PRR16: variants seen among roughly 807,000 people sequenced by gnomAD.
PRR16 encodes the protein protein Largen.
In PRR16, 6 loss-of-function variants were observed where a neutral mutation model predicts 18.2. The ratio of observed to expected loss-of-function variants is 0.33; its 90% confidence interval spans 0.18 to 0.65. The LOEUF is 0.65. PRR16 is among the 30% of genes least tolerant of loss of function. PRR16 has a pLI of 0.74. For missense variants in PRR16, 412 were observed against 376.6 expected (o/e 1.09, Z -0.78); for synonymous variants, 151 against 147.8 (o/e 1.02, Z -0.16).
the PRR16 span, among the ~76,000 whole-genome samples, chr5:120,757,800 T>G: frequency 6.6e-6 from 1 of 150,818 alleles, no homozygotes; most frequent in African/African-American, 2.4e-5. Flanking sequence ...TTTGAGAAAT[T>G]GTAGTGACTG....
the PRR16 span, among the ~76,000 whole-genome samples, chr5:120,699,048 A>C: frequency 6.6e-6 from 1 of 152,128 alleles, no homozygotes; most frequent in Non-Finnish European, 1.5e-5. Context: ...GTGTCTATTC[A>C]GACTAAGAGG....
At chr5:120,532,982 A>G (rs1751599289) in intron 1 of PRR16, among the ~76,000 whole-genome samples, 1 of 152,172 alleles carries the variant, frequency 6.6e-6, no homozygotes, top group Admixed American at 6.5e-5. Flanking sequence ...TCAGAGCAGT[A>G]GTTTCCCCGA....
chr5:120,495,301 T>C (rs189533957), intron 1 of PRR16, among the ~76,000 whole-genome samples: 3 of 152,258 alleles, frequency 2.0e-5, no homozygotes, highest in African/African-American at 7.2e-5. Flanking sequence ...GATTTCTACC[T>C]ATTTTTTTGA....
chr5:120,600,709 G>A (rs981913857), intron 1 of PRR16, among the ~76,000 whole-genome samples: 9 of 151,564 alleles, frequency 5.9e-5, no homozygotes, highest in African/African-American at 1.9e-4. Flanking sequence ...GTAGTTTTCC[G>A]GCCCACATCC....
At chr5:120,545,990 C>T (rs1299344391) in intron 1 of PRR16, among the ~76,000 whole-genome samples, 3 of 152,036 alleles carry the variant, frequency 2.0e-5, no homozygotes, top group Admixed American at 6.6e-5. Context: ...TTAAGGTCGA[C>T]ATGGACCAGC....
chr5:120,629,903 G>A (rs1456665409), intron 1 of PRR16, among the ~76,000 whole-genome samples: 1 of 151,966 alleles, frequency 6.6e-6, no homozygotes, highest in Non-Finnish European at 1.5e-5. Flanking sequence ...TCTAAAATCA[G>A]CTATCAGCAC....
chr5:120,658,210 A>C (rs1427342745), intron 1 of PRR16: 1 of 151,958 alleles, frequency 6.6e-6, no homozygotes, highest in Non-Finnish European at 1.5e-5. Flanking sequence ...GGCATCCCTC[A>C]CATTGTACTG....
chr5:120,782,555 C>CTCTA, the PRR16 span, among the ~76,000 whole-genome samples: 2 of 152,058 alleles, frequency 1.3e-5, no homozygotes, highest in Admixed American at 6.5e-5. Flanking sequence ...TGCTGCTTCC[C>CTCTA]TCTATCTCAG....
intron 1 of PRR16, among the ~76,000 whole-genome samples, chr5:120,520,492 G>T (rs776743286): frequency 6.6e-6 from 1 of 152,208 alleles, no homozygotes; most frequent in African/African-American, 2.4e-5. Flanking sequence ...ACAAAGGCAC[G>T]TTTAGGTAGA....
chr5:120,674,909 TTTATA>T (rs1174421005), intron 1 of PRR16, among the ~76,000 whole-genome samples: 2 of 151,966 alleles, frequency 1.3e-5, no homozygotes, highest in Admixed American at 6.5e-5. Context: ...TAACATTTGT[TTTATA>T]TTCCAATTTT....
At chr5:120,595,133 G>A (rs1753759062) in intron 1 of PRR16, among the ~76,000 whole-genome samples, 1 of 152,008 alleles carries the variant, frequency 6.6e-6, no homozygotes, top group South Asian at 2.1e-4. Flanking sequence ...TTAAACCAAA[G>A]AGCTTGTTCA....
chr5:120,792,209 ACT>A, the PRR16 span, among the ~76,000 whole-genome samples: 313 of 152,272 alleles, frequency 2.1e-3, 3 homozygotes, highest in African/African-American at 7.0e-3. Flanking sequence ...TACCAGCTGT[ACT>A]CTCTCACGAA....
intron 1 of PRR16, among the ~76,000 whole-genome samples, chr5:120,577,912 A>G (rs1328467365): frequency 5.3e-5 from 8 of 152,214 alleles, no homozygotes; most frequent in African/African-American, 1.9e-4. Context: ...ACTGATAGAA[A>G]GTGGCTGGGA....
chr5:120,619,796 C>T (rs1222744928), intron 1 of PRR16, among the ~76,000 whole-genome samples: 1 of 151,988 alleles, frequency 6.6e-6, no homozygotes, highest in Non-Finnish European at 1.5e-5. Flanking sequence ...TGAACATGCA[C>T]TTTGCACTAT....
rs572568529 is a variant in PRR16, at chr5:120,651,671, C to G, written c.160-34283C>G. Among the ~76,000 whole-genome samples the G allele has an allele frequency of 4.5e-4, 68 of 152,214 alleles. No homozygotes were observed. The East Asian group carries it at 0.012, about 27-fold the overall frequency. ...TGGCATTATTTCTGAGGTCTCTGTT[C>G]TGTTCCATTGGTCTATATCTCTGTT... On this transcript the variant is annotated intron_variant, in intron 1 of 1. Coordinates refer to ENST00000407149, the MANE Select transcript of PRR16 (RefSeq NM_001300783.2).
chr5:120,551,199 TTCTAC>T (rs1752244216), intron 1 of PRR16, among the ~76,000 whole-genome samples: 1 of 152,010 alleles, frequency 6.6e-6, no homozygotes, highest in African/African-American at 2.4e-5. Flanking sequence ...CTTGGAAATC[TTCTAC>T]TCTATATTTC....
In PRR16 at chr5:120,545,290, C is replaced by T. The variant is rs189552055; in HGVS notation, c.159+80645C>T. On this transcript the variant is annotated intron_variant, in intron 1 of 1. Coordinates refer to ENST00000407149, the MANE Select transcript of PRR16 (RefSeq NM_001300783.2). ...TAGATTTCGTTAGATAATAATTATA[C>T]GTGACATTATAGATTGGATTCTGTC... Among the ~76,000 whole-genome samples the T allele has an allele frequency of 8.7e-4, 133 of 152,108 alleles. 1 individual carries two copies. The highest frequency in any genetic ancestry group is 3.4e-3 in the Middle Eastern group (1 of 292).
chr5:120,524,868 C>T (rs1561530595), intron 1 of PRR16, among the ~76,000 whole-genome samples: 1 of 151,980 alleles, frequency 6.6e-6, no homozygotes, highest in Non-Finnish European at 1.5e-5. Context: ...TTAGGTTGAA[C>T]ATTTGAAATG....
the PRR16 span, among the ~76,000 whole-genome samples, chr5:120,732,451 T>C: frequency 6.6e-6 from 1 of 152,188 alleles, no homozygotes; most frequent in African/African-American, 2.4e-5. Flanking sequence ...TTTTTCTTTC[T>C]TCCCACTATC....
Sources: gnomAD v4.1 joint callset for allele counts (sites outside exome capture counted in the v4.1 genomes callset) on GRCh38, gnomAD v4.1.1 for gene constraint, MANE v1.5 for transcripts, NCBI Gene and HGNC (gene_info 2026-07-23, HGNC 2026-07-21) for gene names.